FOXP2: variants seen among roughly 807,000 people sequenced by gnomAD.
FOXP2 encodes the protein forkhead box protein P2.
Under a neutral mutation model 115.8 loss-of-function variants are expected in FOXP2, and 12 were observed. The ratio of observed to expected loss-of-function variants is 0.10; its 90% CI spans 0.07 to 0.17. The LOEUF is 0.17. Ranked by LOEUF, FOXP2 falls within the 10% of genes least tolerant of loss-of-function variation. The pLI, the probability that FOXP2 is intolerant of heterozygous loss-of-function variation, is 1.00. For synonymous variants in FOXP2, 328 were observed against 297.7 expected (o/e 1.10, Z -1.05); for missense variants, 629 against 843.5 (o/e 0.75, Z 3.15).
At chr7:114,434,605 G>T (rs1287168458) in intron 2 of FOXP2, among the ~76,000 whole-genome samples, 1 of 151,672 alleles carries the variant, frequency 6.6e-6, no homozygotes, top group Non-Finnish European at 1.5e-5. Flanking sequence ...GAAAATTTAC[G>T]CTAAAAATCT....
rs544567361 is a variant in FOXP2 at position 114,383,010 on chromosome 7, G to C, written c.-10-43492G>C. On this transcript the variant is annotated intron_variant, in intron 2 of 17. Transcript: ENST00000634411. ...CTAATGAGGGTCTACACTGGGAACT[G>C]CCTGCTGGCCTGTGGGGAATCATTC... is the stretch of plus-strand genomic sequence containing the variant. Among the ~76,000 whole-genome samples, 12 of 152,330 alleles carry C rather than the reference G, an allele frequency of 7.9e-5. No homozygotes were observed. In the South Asian group the frequency reaches 2.5e-3, roughly 32 times the overall value.
chr7:114,378,684 C>CAAAAAAAAAAAAAAAAAAAAAA lies in FOXP2; in HGVS notation c.-10-47801_-10-47800insAAAAAAAAAAAAAAAAAAAAAA, dbSNP rs398005920. Among the ~76,000 whole-genome samples the CAAAAAAAAAAAAAAAAAAAAAA allele has an allele frequency of 2.1e-3, 38 of 18,070 alleles. 3 individuals are homozygous for CAAAAAAAAAAAAAAAAAAAAAA. The highest frequency in any genetic ancestry group is 5.9e-3 in the African/African-American group (31 of 5,262). 11.9% of individuals were successfully genotyped at this position (18,070 alleles called of 152,430 possible). On this transcript the variant is annotated intron_variant, in intron 2 of 17. Transcript: ENST00000634411. ...GTGAGACAATGTAAGACCCTGTCTCCAAAAAAAAAAAAAAAAAGGAAAAGA... is the reference window on the plus strand; with the variant it reads ...GTGAGACAATGTAAGACCCTGTCTCCAAAAAAAAAAAAAAAAAAAAAAAAAAAAAAAAAAAAAAAGGAAAAGA...
intron 2 of FOXP2, among the ~76,000 whole-genome samples, chr7:114,314,149 AT>A (rs1397629420): frequency 3.3e-5 from 5 of 151,826 alleles, no homozygotes; most frequent in Admixed American, 3.3e-4. Flanking sequence ...TGCTAATTAC[AT>A]TTTTTTCTTG....
rs539942135 is a variant in FOXP2, at chr7:114,097,025, T to A, written c.-247+9187T>A. Among the ~76,000 whole-genome samples, 10 of 152,328 alleles carry A rather than the reference T, an allele frequency of 6.6e-5. No individual in the cohort carries two copies. The East Asian group carries it at 1.7e-3, about 26-fold the overall frequency. ...GATTACTTTATTGTAGAAATTATGC[T>A]GATAATTTTCTCTCAAAATATTTAC... On this transcript the variant is annotated intron_variant, in intron 1 of 19. Transcript: ENST00000635638.
rs763860684 is a variant in FOXP2, at chr7:114,693,199, T to C, written c.*3273T>C. The C allele has an allele frequency of 2.2e-6, 1 of 452,642 alleles. No individual in the cohort carries two copies. The highest frequency in any genetic ancestry group is 1.6e-5 in the South Asian group (1 of 64,268). 28.0% of individuals were successfully genotyped at this position (452,642 alleles called of 1,614,324 possible). A position where few individuals can be genotyped will look rare whatever the true frequency, so the allele number is the denominator to read the frequency against. On this transcript the variant is annotated 3_prime_UTR_variant, in exon 17 of 17. Coordinates refer to ENST00000350908, the MANE Select transcript of FOXP2 (RefSeq NM_014491.4). ...TACAAGTATTTGGTAGAATTACCAC[T>C]AACTGGGTTTTCTTTAGATAACTCA... is the stretch of plus-strand genomic sequence containing the variant.
At chr7:114,201,349 G>C (rs1563003114) in intron 1 of FOXP2, among the ~76,000 whole-genome samples, 1 of 152,048 alleles carries the variant, frequency 6.6e-6, no homozygotes, top group Non-Finnish European at 1.5e-5. Context: ...TGTTGTCCCA[G>C]ATACTCAGGA....
intron 1 of FOXP2, among the ~76,000 whole-genome samples, chr7:114,220,214 G>T (rs941472625): frequency 1.3e-5 from 2 of 151,644 alleles, no homozygotes; most frequent in African/African-American, 2.4e-5. Context: ...AGGCTTAGTT[G>T]TAGTTGTTTC....
At chr7:114,416,618 C>T (rs995387630) in intron 1 of FOXP2, among the ~76,000 whole-genome samples, 4 of 150,832 alleles carry the variant, frequency 2.7e-5, no homozygotes, top group Admixed American at 6.6e-5. Flanking sequence ...TTCTTATTTT[C>T]GATTGTTCCT....
intron 2 of FOXP2, 75 bp downstream of exon 2, chr7:114,426,754 G>A: frequency 7.1e-7 from 1 of 1,413,562 alleles, no homozygotes; most frequent in Non-Finnish European, 9.9e-7. Flanking sequence ...TGTATTCATA[G>A]CAAACTGAGC....
chr7:114,418,498 T>A (rs769880956), intron 1 of FOXP2, among the ~76,000 whole-genome samples: 39 of 151,920 alleles, frequency 2.6e-4, no homozygotes, highest in Non-Finnish European at 4.3e-4. Flanking sequence ...GTGACTCTTG[T>A]TAGTATTACA....
chr7:114,148,209 G>C (rs1251787318), intron 1 of FOXP2, among the ~76,000 whole-genome samples: 1 of 152,182 alleles, frequency 6.6e-6, no homozygotes, highest in Non-Finnish European at 1.5e-5. Flanking sequence ...TTTGAAGGGA[G>C]TTACATTGAG....
rs182622668 is a variant in FOXP2, at chr7:114,601,876, T to C, written c.259-26664T>C. Among the ~76,000 whole-genome samples, 144 of 152,208 alleles carry C rather than the reference T, an allele frequency of 9.5e-4. 1 individual carries two copies. Among genetic ancestry groups the C allele is most frequent in the African/African-American group, 3.1e-3 (130 of 41,578 alleles). ...GTTTTATAGCCAAGAATATGGTTTA[T>C]TTTGATACAGTTCCATATATACTAG... is the stretch of plus-strand genomic sequence containing the variant. On this transcript the variant is annotated intron_variant, in intron 3 of 16. Transcript: ENST00000350908.
At chr7:114,164,345 CT>C (rs766312307) in intron 1 of FOXP2, among the ~76,000 whole-genome samples, 48 of 140,300 alleles carry the variant, frequency 3.4e-4, no homozygotes, top group South Asian at 6.8e-4. Flanking sequence ...CAAAACTTTT[CT>C]TTTTTTTTTT....
At chr7:114,340,750 G>C (rs1791183218) in intron 2 of FOXP2, among the ~76,000 whole-genome samples, 1 of 151,018 alleles carries the variant, frequency 6.6e-6, no homozygotes, top group Non-Finnish European at 1.5e-5. Flanking sequence ...TACTCCCTGT[G>C]ATTGCACCCC....
At chr7:114,134,667 C>T (rs948582833) in intron 1 of FOXP2, among the ~76,000 whole-genome samples, 29 of 149,400 alleles carry the variant, frequency 1.9e-4, no homozygotes, top group Non-Finnish European at 4.0e-4. Context: ...GAGCCGAGAT[C>T]CCGCCACTGC....
At chr7:114,259,959 A>G (rs1795707768) in intron 1 of FOXP2, among the ~76,000 whole-genome samples, 1 of 152,004 alleles carries the variant, frequency 6.6e-6, no homozygotes, top group Non-Finnish European at 1.5e-5. Context: ...GTGCCATCTC[A>G]GCTCACTGCA....
intron 2 of FOXP2, among the ~76,000 whole-genome samples, chr7:114,350,611 A>C (rs1791462450): frequency 6.6e-6 from 1 of 152,094 alleles, no homozygotes; most frequent in South Asian, 2.1e-4. Context: ...GAGTCCTTCA[A>C]TAAATATATA....
chr7:114,299,133 T>A (rs1796818396), intron 2 of FOXP2, among the ~76,000 whole-genome samples: 1 of 152,128 alleles, frequency 6.6e-6, no homozygotes, highest in African/African-American at 2.4e-5. Context: ...TAATTTGCAA[T>A]CTTAAAAATA....
intron 3 of FOXP2, among the ~76,000 whole-genome samples, chr7:114,625,664 A>T (rs1804526285): frequency 6.6e-6 from 1 of 151,850 alleles, no homozygotes; most frequent in Non-Finnish European, 1.5e-5. Flanking sequence ...GTGTCGCTTA[A>T]AATGAGTCAC....
Sources: allele counts gnomAD v4.1 joint callset (sites outside exome capture counted in the v4.1 genomes callset), GRCh38; gene constraint gnomAD v4.1.1; transcripts MANE v1.5; gene names NCBI Gene and HGNC (gene_info 2026-07-23, HGNC 2026-07-21).